HIVEP1: variants seen among roughly 807,000 people sequenced by gnomAD.
The protein encoded by HIVEP1 is HIVEP zinc finger 1.
HIVEP1 carries 36 observed loss-of-function variants against 180.0 expected under a neutral mutation model. The observed-to-expected ratio is 0.20, with a 90% CI of 0.15 to 0.26. The LOEUF is 0.26. Among genes scored for constraint, HIVEP1 ranks in the 10% least tolerant of loss-of-function variants. The probability of loss-of-function intolerance (pLI) is 1.00; values close to 1 mark genes in which losing one functional copy is unlikely to be tolerated. For missense variants in HIVEP1, 3,143 were observed against 3,268.7 expected, an observed-to-expected ratio of 0.96 and a Z score of 0.94; for synonymous variants, 1,239 against 1,239.0, an observed-to-expected ratio of 1.00 and a Z score of 0.00.
intron 2 of HIVEP1, among the ~76,000 whole-genome samples, chr6:12,075,135 G>A (rs1351317708): frequency 1.3e-5 from 2 of 152,160 alleles, no homozygotes; most frequent in Admixed American, 6.5e-5. Flanking sequence ...TCATGCACAC[G>A]CACAGGCACG....
chr6:12,105,897 C>G (rs935218618), intron 3 of HIVEP1, among the ~76,000 whole-genome samples: 7 of 151,998 alleles, frequency 4.6e-5, no homozygotes, highest in Non-Finnish European at 1.0e-4. Context: ...TGCTTAAGAT[C>G]TGTTTCTACT....
chr6:12,074,257 A>AT (rs1181021496), intron 2 of HIVEP1, among the ~76,000 whole-genome samples: 1 of 152,034 alleles, frequency 6.6e-6, no homozygotes, highest in Non-Finnish European at 1.5e-5. Context: ...GATACCAGTG[A>AT]TTTTTTCTTT....
intron 6 of HIVEP1, among the ~76,000 whole-genome samples, chr6:12,131,577 C>T (rs1758418429): frequency 6.6e-6 from 1 of 151,556 alleles, no homozygotes; most frequent in African/African-American, 2.4e-5. Context: ...TTATAAGCCT[C>T]ACTCATAGTT....
At chr6:12,073,437 C>T (rs567139579) in intron 2 of HIVEP1, among the ~76,000 whole-genome samples, 86 of 152,250 alleles carry the variant, frequency 5.6e-4, no homozygotes, top group East Asian at 7.7e-4. Context: ...CTGGGATTTC[C>T]GCTCACTGTA....
intron 7 of HIVEP1, among the ~76,000 whole-genome samples, chr6:12,153,023 T>A (rs1269399263): frequency 6.6e-6 from 1 of 152,234 alleles, no homozygotes; most frequent in Non-Finnish European, 1.5e-5. Flanking sequence ...CTTCTTGAAA[T>A]GTCTTAACAA....
the HIVEP1 span, among the ~76,000 whole-genome samples, chr6:12,205,470 C>CA: frequency 0.044 from 6,045 of 137,962 alleles, 257 homozygotes; most frequent in East Asian, 0.21. Flanking sequence ...GACTCCATCT[C>CA]AAAAAAAAAA....
At chr6:12,210,195 C>T in the HIVEP1 span, among the ~76,000 whole-genome samples, 1 of 152,112 alleles carries the variant, frequency 6.6e-6, no homozygotes, top group Non-Finnish European at 1.5e-5. Flanking sequence ...GAGGCACAAT[C>T]CCTTCCTCAG....
chr6:12,141,257 A>G (rs1420342605), intron 7 of HIVEP1, among the ~76,000 whole-genome samples: 1 of 152,054 alleles, frequency 6.6e-6, no homozygotes, highest in Non-Finnish European at 1.5e-5. Flanking sequence ...AGAATTTCAT[A>G]TCTAGCCAAA....
chr6:12,159,361 A>G (rs1429482669), intron 7 of HIVEP1, among the ~76,000 whole-genome samples: 1 of 151,608 alleles, frequency 6.6e-6, no homozygotes, highest in East Asian at 1.9e-4. Flanking sequence ...TAGTCTTTTT[A>G]CAAATTTTAC....
intron 3 of HIVEP1, among the ~76,000 whole-genome samples, chr6:12,098,977 G>A (rs923374957): frequency 3.9e-4 from 60 of 152,252 alleles, no homozygotes; most frequent in African/African-American, 1.3e-3. Flanking sequence ...TAAGAAAAGC[G>A]TTGGAAGTAG....
intron 2 of HIVEP1, among the ~76,000 whole-genome samples, chr6:12,041,549 ATCCTTCATG>A (rs1351643054): frequency 2.0e-5 from 3 of 150,992 alleles, no homozygotes; most frequent in South Asian, 4.2e-4. Context: ...TGGTGTAGAC[ATCCTTCATG>A]TCCTTCAGGT....
At chr6:12,027,534 C>T (rs1768664381) in intron 2 of HIVEP1, among the ~76,000 whole-genome samples, 2 of 152,234 alleles carry the variant, frequency 1.3e-5, no homozygotes, top group South Asian at 4.1e-4. Flanking sequence ...TTAAATTGTA[C>T]TGTCTCCATC....
intron 7 of HIVEP1, among the ~76,000 whole-genome samples, chr6:12,138,831 A>G (rs919785396): frequency 3.3e-5 from 5 of 151,588 alleles, no homozygotes; most frequent in African/African-American, 1.2e-4. Flanking sequence ...CACTTCCCCC[A>G]TAGTCTTCCG....
At chr6:12,210,163 T>A in the HIVEP1 span, among the ~76,000 whole-genome samples, 1 of 151,736 alleles carries the variant, frequency 6.6e-6, no homozygotes, top group East Asian at 1.9e-4. Context: ...TAGTTACCAA[T>A]GATTCAGTCC....
Position 12,163,794 on chromosome 6 carries a change from A to G in HIVEP1, c.7490A>G (p.Asn2497Ser), listed in dbSNP as rs375809923. ...SLPSLSMETV[N>S]IVGLANTNMA... Reference sequence around the variant, plus strand: ...CCCTCGTTAAGCATGGAAACCGTCAATATTGTAGGCCTAGCCAATACAAAT... The same window carrying G: ...CCCTCGTTAAGCATGGAAACCGTCAGTATTGTAGGCCTAGCCAATACAAAT... Residue 2497 changes from asparagine (N) to serine (S), a missense_variant, in exon 9 of 9, where the codon AAT (asparagine) becomes AGT (serine). By Grantham distance (46) the Asn-to-Ser change is conservative (BLOSUM62 1). This residue lies in a region of HIVEP1 where 595 missense variants were observed against 602.2 expected (regional missense o/e 0.99). Transcript: ENST00000379388. 15 of 1,614,052 alleles carry G rather than the reference A, an allele frequency of 9.3e-6. No homozygotes were observed. Among genetic ancestry groups the G allele is most frequent in the Middle Eastern group, 1.6e-4 (1 of 6,084 alleles).
chr6:12,084,098 T>A (rs1315800055), intron 2 of HIVEP1, among the ~76,000 whole-genome samples: 2 of 152,118 alleles, frequency 1.3e-5, no homozygotes, highest in African/African-American at 4.8e-5. Context: ...TGAGTTTTTT[T>A]AAAAAGCAAA....
rs1757726957 is a variant in HIVEP1 at position 12,122,338 on chromosome 6, C to T, written c.2543C>T (p.Ser848Leu). ...RSNSMPTTGY[S>L]AVPANIIPPP... ...AATTCCATGCCGACCACAGGTTATTCAGCAGTACCTGCAAATATAATACCT... is the reference window on the plus strand; with the variant it reads ...AATTCCATGCCGACCACAGGTTATTTAGCAGTACCTGCAAATATAATACCT... Residue 848 changes from serine (S) to leucine (L), a missense_variant, in exon 4 of 9, where the codon TCA becomes TTA. This residue lies in a region of HIVEP1 where 204 missense variants were observed against 243.7 expected (regional missense o/e 0.84). Transcript: ENST00000379388. The T allele has an allele frequency of 9.9e-6, 16 of 1,614,210 alleles. No homozygotes were observed. The highest frequency in any genetic ancestry group is 1.4e-5 in the Non-Finnish European group (16 of 1,180,036).
At chr6:12,152,990 A>G (rs372940128) in intron 7 of HIVEP1, among the ~76,000 whole-genome samples, 1 of 152,396 alleles carries the variant, frequency 6.6e-6, no homozygotes, top group East Asian at 1.9e-4. Context: ...TTATTTGCAT[A>G]TGCTAAAAAA....
In HIVEP1 at chr6:12,124,595, A is replaced by G. The variant is rs1158885537; in HGVS notation, c.4800A>G (p.Thr1600=). ...CAGATCATTGTGTGACATCAGCAAC[A>G]TTACCAACCAAATTAATTGACAGCA... is the stretch of plus-strand genomic sequence containing the variant. ...VGTDHCVTSA[T]LPTKLIDSMS... is the part of the protein sequence containing the mutation. The change falls in exon 4 of 9, where the codon ACA becomes ACG. Residue 1600 remains threonine (T), a synonymous_variant. Transcript: ENST00000379388. The G allele has an allele frequency of 2.5e-6, 4 of 1,614,166 alleles. No individual in the cohort carries two copies.
Sources: allele counts gnomAD v4.1 joint callset (sites outside exome capture counted in the v4.1 genomes callset), GRCh38; gene constraint gnomAD v4.1.1; regional missense constraint gnomAD v4.1.1; transcripts MANE v1.5; gene names NCBI Gene and HGNC (gene_info 2026-07-23, HGNC 2026-07-21).